The following RAPGEF4 variants were observed in gnomAD, a reference collection of about 807,000 sequenced individuals.
RAPGEF4 encodes the protein Rap guanine nucleotide exchange factor 4, also known as RAP guanine-nucleotide-exchange factor (GEF) 4.
In RAPGEF4, 66 loss-of-function variants were observed where a neutral mutation model predicts 147.9. The ratio of observed to expected loss-of-function variants is 0.45; its 90% CI spans 0.37 to 0.55. The LOEUF (loss-of-function observed/expected upper bound fraction) is 0.55, where lower values mean the gene tolerates loss of function less well. RAPGEF4 is among the 20% of genes least tolerant of loss of function. The probability of loss-of-function intolerance (pLI) is 0.00; values close to 1 mark genes in which losing one functional copy is unlikely to be tolerated. For missense variants in RAPGEF4, 1,071 were observed against 1,257.3 expected (o/e 0.85, Z 2.24); for synonymous variants, 419 against 442.7 (o/e 0.95, Z 0.67).
At chr2:172,740,199 C>T (rs1694183077) in intron 1 of RAPGEF4, among the ~76,000 whole-genome samples, 1 of 152,206 alleles carries the variant, frequency 6.6e-6, no homozygotes, top group Admixed American at 6.5e-5. Flanking sequence ...ATGAAAGAAC[C>T]TATCTAAGTG....
At chr2:172,819,294 A>G (rs1477790834) in intron 4 of RAPGEF4, among the ~76,000 whole-genome samples, 3 of 152,226 alleles carry the variant, frequency 2.0e-5, no homozygotes, top group East Asian at 3.9e-4. Flanking sequence ...CCCCTTTAAT[A>G]TTAGAACTTA....
chr2:172,775,877 C>A (rs759106778), intron 1 of RAPGEF4, among the ~76,000 whole-genome samples: 1 of 152,124 alleles, frequency 6.6e-6, no homozygotes, highest in Non-Finnish European at 1.5e-5. Context: ...TGCCTTAAAT[C>A]ATCTTCGGTT....
At chr2:172,821,860 A>G in intron 4 of RAPGEF4, 1 of 1,566,356 alleles carries the variant, frequency 6.4e-7, no homozygotes, top group Non-Finnish European at 8.7e-7. Flanking sequence ...AGTAGTAGAC[A>G]CGAACAGGGA....
chr2:173,014,138 G>A (rs573241012), intron 17 of RAPGEF4, among the ~76,000 whole-genome samples: 34 of 152,288 alleles, frequency 2.2e-4, no homozygotes, highest in African/African-American at 7.7e-4. Context: ...TTACCACCCA[G>A]AGTAGCAAAG....
At chr2:172,915,815 G>T (rs139907749) in intron 4 of RAPGEF4, among the ~76,000 whole-genome samples, 114 of 152,096 alleles carry the variant, frequency 7.5e-4, no homozygotes, top group African/African-American at 2.4e-3. Flanking sequence ...AATTATTGAA[G>T]TTGAATGTGG....
intron 10 of RAPGEF4, among the ~76,000 whole-genome samples, chr2:172,977,174 C>T (rs1005657577): frequency 2.6e-5 from 4 of 152,168 alleles, no homozygotes; most frequent in African/African-American, 4.8e-5. Flanking sequence ...TCCTCCTGCT[C>T]GGGCACAGTG....
intron 17 of RAPGEF4, among the ~76,000 whole-genome samples, chr2:173,013,013 G>A (rs1203506066): frequency 6.6e-6 from 1 of 152,238 alleles, no homozygotes; most frequent in East Asian, 1.9e-4. Context: ...TGTGAGCTGA[G>A]AGAGGATTGT....
chr2:172,866,246 C>T (rs1219831017), intron 4 of RAPGEF4, among the ~76,000 whole-genome samples: 4 of 151,980 alleles, frequency 2.6e-5, no homozygotes, highest in Non-Finnish European at 5.9e-5. Context: ...TTCCCAGACA[C>T]TCCTCAATCC....
At chr2:172,925,835 AAGG>A (rs1236842795) in intron 6 of RAPGEF4, among the ~76,000 whole-genome samples, 2 of 142,046 alleles carry the variant, frequency 1.4e-5, no homozygotes, top group Non-Finnish European at 3.2e-5. Flanking sequence ...GAAAGGAAAG[AAGG>A]AAGGAAGGAA....
intron 6 of RAPGEF4, among the ~76,000 whole-genome samples, chr2:172,940,146 T>C (rs1383625410): frequency 6.6e-6 from 1 of 152,156 alleles, no homozygotes; most frequent in Non-Finnish European, 1.5e-5. Context: ...TTTCTCAAGA[T>C]TAGACTAGGA....
At chr2:172,947,716 A>T (rs1305502849) in intron 6 of RAPGEF4, among the ~76,000 whole-genome samples, 1 of 151,986 alleles carries the variant, frequency 6.6e-6, no homozygotes, top group Non-Finnish European at 1.5e-5. Flanking sequence ...TTTTTGTATG[A>T]CTCATCTGTA....
At chr2:172,740,533 G>A (rs1051736741) in intron 1 of RAPGEF4, among the ~76,000 whole-genome samples, 19 of 152,164 alleles carry the variant, frequency 1.2e-4, no homozygotes, top group African/African-American at 3.6e-4. Context: ...GGTTGAATTC[G>A]AGTGAAAGAA....
intron 3 of RAPGEF4, among the ~76,000 whole-genome samples, chr2:172,805,835 A>G (rs1687440820): frequency 1.3e-5 from 2 of 152,202 alleles, no homozygotes; most frequent in African/African-American, 4.8e-5. Context: ...ACATAGGGCT[A>G]AAAGTCAGAT....
chr2:172,892,726 A>G (rs1022889815), intron 4 of RAPGEF4, among the ~76,000 whole-genome samples: 1 of 152,062 alleles, frequency 6.6e-6, no homozygotes, highest in African/African-American at 2.4e-5. Flanking sequence ...TCCCTGTCTC[A>G]CTTGTCCTGA....
At chr2:172,791,869 C>A (rs1005275893) in intron 1 of RAPGEF4, among the ~76,000 whole-genome samples, 2 of 152,116 alleles carry the variant, frequency 1.3e-5, no homozygotes, top group Non-Finnish European at 2.9e-5. Flanking sequence ...TTTTTAGCTG[C>A]CCTAGTCTAC....
At chr2:172,962,573 A>AT (rs1689405946) in intron 8 of RAPGEF4, among the ~76,000 whole-genome samples, 1 of 151,942 alleles carries the variant, frequency 6.6e-6, no homozygotes, top group African/African-American at 2.4e-5. Flanking sequence ...TCTTCTGATT[A>AT]TTTTTTCTAT....
intron 1 of RAPGEF4, among the ~76,000 whole-genome samples, chr2:172,779,514 G>A (rs559475249): frequency 6.6e-6 from 1 of 152,330 alleles, no homozygotes; most frequent in Non-Finnish European, 1.5e-5. Flanking sequence ...GGAGAAGTGG[G>A]AGTAAGAGGA....
At position 173,011,142 on chromosome 2, in the gene RAPGEF4, G is replaced by A. The variant is rs547520975; in HGVS notation, c.1659-3322G>A. Among the ~76,000 whole-genome samples, 23 of 148,394 alleles carry A rather than the reference G, an allele frequency of 1.5e-4. No individual in the cohort carries two copies. In the East Asian group the frequency reaches 2.6e-3, roughly 17 times the overall value. On this transcript the variant is annotated intron_variant, in intron 17 of 30. Transcript: ENST00000397081. ...TGACTAAACATGCTGAATCAGCTGC[G>A]GGAACCTTGGAACTTCAGCGCGCGC...
intron 4 of RAPGEF4, among the ~76,000 whole-genome samples, chr2:172,883,718 G>A (rs922593900): frequency 6.6e-6 from 1 of 152,162 alleles, no homozygotes; most frequent in Non-Finnish European, 1.5e-5. Flanking sequence ...ATGGTTGGAA[G>A]CCCGCTTCAG....
Sources: allele counts gnomAD v4.1 joint callset (sites outside exome capture counted in the v4.1 genomes callset), GRCh38; gene constraint gnomAD v4.1.1; transcripts MANE v1.5; gene names NCBI Gene and HGNC (gene_info 2026-07-23, HGNC 2026-07-21).